The following ASPH variants were observed in gnomAD, a reference collection of about 807,000 sequenced individuals.
The protein encoded by ASPH is aspartate beta-hydroxylase, also known as aspartyl/asparaginyl beta-hydroxylase.
A neutral mutation model predicts 118.4 loss-of-function variants in ASPH; 100 were observed. That is an observed-to-expected ratio of 0.84 (90% CI 0.72 to 1.00). The LOEUF (loss-of-function observed/expected upper bound fraction) is 1.00. Ranked by LOEUF, ASPH falls within the 50% of genes least tolerant of loss-of-function variation. ASPH has a pLI of 0.00. For synonymous variants in ASPH, 315 were observed against 325.6 expected (o/e 0.97, Z 0.35); for missense variants, 920 against 919.5 (o/e 1.00, Z -0.01).
chr8:61,541,354 ACTCCGT>A (rs1259909143), intron 21 of ASPH, among the ~76,000 whole-genome samples: 3 of 151,868 alleles, frequency 2.0e-5, no homozygotes, highest in African/African-American at 7.3e-5. Context: ...ACAGAGTGAG[ACTCCGT>A]CTAAAAAAAA....
intron 1 of ASPH, among the ~76,000 whole-genome samples, chr8:61,701,764 A>G (rs1835298085): frequency 6.6e-6 from 1 of 152,246 alleles, no homozygotes; most frequent in African/African-American, 2.4e-5. Flanking sequence ...AGTTATTACC[A>G]TTTAAGGAGG....
chr8:61,516,869 G>A (rs1447460718), intron 24 of ASPH: 3 of 152,168 alleles, frequency 2.0e-5, no homozygotes, highest in Non-Finnish European at 1.5e-5. Context: ...AGGGAGAGGA[G>A]ATCTAACATT....
intron 21 of ASPH, among the ~76,000 whole-genome samples, chr8:61,536,310 A>AT (rs1434585072): frequency 6.6e-6 from 1 of 152,154 alleles, no homozygotes; most frequent in African/African-American, 2.4e-5. Context: ...AAGTGCTGTG[A>AT]TTACAGGCGT....
At chr8:61,513,932 G>C (rs1809840198) in intron 24 of ASPH, among the ~76,000 whole-genome samples, 1 of 152,118 alleles carries the variant, frequency 6.6e-6, no homozygotes, top group South Asian at 2.1e-4. Flanking sequence ...GGGAGCCTGG[G>C]GTGGGGAATG....
intron 10 of ASPH, among the ~76,000 whole-genome samples, chr8:61,641,753 G>A (rs1376553814): frequency 2.0e-5 from 3 of 151,950 alleles, no homozygotes; most frequent in Non-Finnish European, 4.4e-5. Context: ...TTGAAAGGAG[G>A]GACCCTATGT....
intron 14 of ASPH, among the ~76,000 whole-genome samples, chr8:61,592,452 G>T (rs1412752569): frequency 6.6e-6 from 1 of 152,102 alleles, no homozygotes; most frequent in Non-Finnish European, 1.5e-5. Context: ...AGTCAACAAA[G>T]GATTAAAGAG....
rs192386656 is a variant in ASPH at position 61,602,278 on chromosome 8, T to C, written c.976+16700A>G. 4.8e-4 allele frequency among the ~76,000 whole-genome samples: 73 copies of C among 151,528 alleles called. 2 individuals are homozygous for C. The highest frequency in any genetic ancestry group is 2.8e-3 in the Admixed American group (43 of 15,280). ...TGCATCATGAGTTTTATCTCAGAAA[T>C]GTATTAATGTATAGTTGTTTTAACA... is the stretch of plus-strand genomic sequence containing the variant. On this transcript the variant is annotated intron_variant, in intron 14 of 24. Transcript: ENST00000379454.
At chr8:61,506,888 A>G (rs766832682) in intron 24 of ASPH, among the ~76,000 whole-genome samples, 1 of 152,162 alleles carries the variant, frequency 6.6e-6, no homozygotes, top group Non-Finnish European at 1.5e-5. Context: ...GGGAGATGAG[A>G]TATAAAAACA....
At chr8:61,652,583 A>C (rs1210565539) in intron 4 of ASPH, among the ~76,000 whole-genome samples, 1 of 152,230 alleles carries the variant, frequency 6.6e-6, no homozygotes. Context: ...CTTCTTTCAA[A>C]ATCGTGGCTG....
intron 3 of ASPH, chr8:61,675,968 A>C: frequency 6.5e-7 from 1 of 1,527,782 alleles, no homozygotes; most frequent in Non-Finnish European, 8.7e-7. Context: ...CGGTAAGATC[A>C]CAACCACCCC....
At chr8:61,607,783 G>C (rs1039130654) in intron 14 of ASPH, among the ~76,000 whole-genome samples, 2 of 152,236 alleles carry the variant, frequency 1.3e-5, no homozygotes, top group Middle Eastern at 3.4e-3. Context: ...TTTATTATTA[G>C]GGTTATGTTT....
At chr8:61,521,495 G>T (rs1813014470) in intron 22 of ASPH, among the ~76,000 whole-genome samples, 1 of 152,140 alleles carries the variant, frequency 6.6e-6, no homozygotes, top group African/African-American at 2.4e-5. Flanking sequence ...CTAACAAGCG[G>T]TGCATCCAGG....
At chr8:61,528,662 A>G (rs901761144) in intron 21 of ASPH, among the ~76,000 whole-genome samples, 3 of 152,230 alleles carry the variant, frequency 2.0e-5, no homozygotes, top group African/African-American at 7.2e-5. Context: ...TGCATCACTC[A>G]ATATAATTTA....
At chr8:61,669,192 T>C (rs766654574) in intron 3 of ASPH, among the ~76,000 whole-genome samples, 7 of 152,232 alleles carry the variant, frequency 4.6e-5, no homozygotes, top group Non-Finnish European at 7.3e-5. Context: ...CTGTAAATTG[T>C]AAAACCCACT....
intron 20 of ASPH, among the ~76,000 whole-genome samples, chr8:61,551,216 G>A (rs569754382): frequency 1.3e-3 from 199 of 152,088 alleles, no homozygotes; most frequent in Middle Eastern, 6.8e-3. Context: ...CATACTAAAC[G>A]GACCACTTAG....
chr8:61,506,753 G>T (rs570768891), intron 24 of ASPH, among the ~76,000 whole-genome samples: 2 of 152,076 alleles, frequency 1.3e-5, no homozygotes, highest in Non-Finnish European at 2.9e-5. Flanking sequence ...AAAATATAAA[G>T]AAAAATAGGG....
intron 20 of ASPH, among the ~76,000 whole-genome samples, chr8:61,552,103 T>C (rs769328337): frequency 6.6e-6 from 1 of 152,220 alleles, no homozygotes; most frequent in Non-Finnish European, 1.5e-5. Flanking sequence ...AACCTGAAGC[T>C]GTATTATCCT....
chr8:61,568,875 G>A (rs989893508), intron 16 of ASPH, among the ~76,000 whole-genome samples: 23 of 152,148 alleles, frequency 1.5e-4, no homozygotes, highest in Non-Finnish European at 3.1e-4. Context: ...CTGTAAAGGG[G>A]AGCAGAAAAA....
intron 14 of ASPH, among the ~76,000 whole-genome samples, chr8:61,602,661 T>C (rs772879670): frequency 6.6e-5 from 10 of 150,646 alleles, no homozygotes; most frequent in Non-Finnish European, 1.0e-4. Context: ...CTGCCTGGGG[T>C]TGGGGAGGGG....
Sources: gnomAD v4.1 joint callset for allele counts (sites outside exome capture counted in the v4.1 genomes callset) on GRCh38, gnomAD v4.1.1 for gene constraint, MANE v1.5 for transcripts, NCBI Gene and HGNC (gene_info 2026-07-23, HGNC 2026-07-21) for gene names.